MAP2K5: variants seen among roughly 807,000 people sequenced by gnomAD.
MAP2K5 encodes the protein dual specificity mitogen-activated protein kinase kinase 5.
MAP2K5 carries 49 observed loss-of-function variants against 83.1 expected under a neutral mutation model. The ratio of observed to expected loss-of-function variants is 0.59; its 90% CI spans 0.47 to 0.75. The LOEUF is 0.75. Among genes scored for constraint, MAP2K5 ranks in the 30% least tolerant of loss-of-function variants. The pLI is 0.00. For synonymous variants in MAP2K5, 202 were observed against 191.8 expected, an observed-to-expected ratio of 1.05 and a Z score of -0.44; for missense variants, 457 against 557.5, an observed-to-expected ratio of 0.82 and a Z score of 1.82.
chr15:67,655,072 A>AG (rs1402650946), intron 11 of MAP2K5, among the ~76,000 whole-genome samples: 5 of 152,028 alleles, frequency 3.3e-5, no homozygotes, highest in Admixed American at 2.0e-4. Flanking sequence ...CTCAAAAAAA[A>AG]AAAAAAATAG....
chr15:67,756,514 A>AGTGTGTGT lies in MAP2K5; in HGVS notation c.1134+7913_1134+7914insGTGTGTGT, dbSNP rs1566953852. 3.6e-3 allele frequency among the ~76,000 whole-genome samples: 352 copies of AGTGTGTGT among 97,918 alleles called. 6 individuals carry two copies. Among genetic ancestry groups the AGTGTGTGT allele is most frequent in the East Asian group, 0.021 (66 of 3,158 alleles). The allele number at this position is 97,918 out of a possible 152,430, so 64.2% of individuals were successfully genotyped here. A position where few individuals can be genotyped will look rare whatever the true frequency, so the allele number is the denominator to read the frequency against. On this transcript the variant is annotated intron_variant, in intron 19 of 21. Transcript: ENST00000178640. ...AATATATCTAACCCCACACACAGTT[A>AGTGTGTGT]CTGTGTGTGTGTGTGTGTGTGTGTG...
In MAP2K5 at chr15:67,559,782, C is replaced by A. The variant is rs953317188; in HGVS notation, c.185-3501C>A. On this transcript the variant is annotated intron_variant, in intron 2 of 21. Coordinates refer to ENST00000178640, the MANE Select transcript of MAP2K5 (RefSeq NM_145160.3). This position sits in a 1 kb window ranked among gnomAD's most constrained non-coding sequence, Gnocchi z 4.7. ...GAATTCTCATTGTGAACCAATGTAT[C>A]AGATCTGTCTGCTCCCCTACCCCCA... Among the ~76,000 whole-genome samples the A allele has an allele frequency of 1.4e-4, 21 of 152,174 alleles. No individual in the cohort carries two copies. The highest frequency in any genetic ancestry group is 1.2e-3 in the Admixed American group (19 of 15,290).
At position 67,732,259 on chromosome 15, in the gene MAP2K5, A is replaced by G. The variant is rs146009683; in HGVS notation, c.1074+4314A>G. ...ATAATGGTGGGCAATGGTTTGTTTAATGACACCATAATTTAGGAGAAATGA... is the reference window on the plus strand; with the variant it reads ...ATAATGGTGGGCAATGGTTTGTTTAGTGACACCATAATTTAGGAGAAATGA... On this transcript the variant is annotated intron_variant, in intron 17 of 21. Transcript: ENST00000178640. 2.3e-3 allele frequency among the ~76,000 whole-genome samples: 354 copies of G among 152,326 alleles called. 8 individuals carry two copies. The highest frequency in any genetic ancestry group is 0.021 in the Admixed American group (317 of 15,298).
rs973608945 is a variant in MAP2K5 at position 67,782,643 on chromosome 15, A to G, written c.1242+9891A>G. On this transcript the variant is annotated intron_variant, in intron 21 of 21. Coordinates refer to ENST00000178640, the MANE Select transcript of MAP2K5 (RefSeq NM_145160.3). The surrounding 1 kb of genome is among the most constrained non-coding windows in gnomAD (Gnocchi z 4.9). ...TTGACAGGAATTTAAATTTTGTTTCAATCAACCCCTGTGCTCACAGCCTGC... is the reference window on the plus strand; with the variant it reads ...TTGACAGGAATTTAAATTTTGTTTCGATCAACCCCTGTGCTCACAGCCTGC... Among the ~76,000 whole-genome samples, 2 of 152,180 alleles carry G rather than the reference A, an allele frequency of 1.3e-5. No homozygotes were observed. Among genetic ancestry groups the G allele is most frequent in the African/African-American group, 4.8e-5 (2 of 41,450 alleles).
At chr15:67,629,789 C>A (rs1385130953) in intron 8 of MAP2K5, among the ~76,000 whole-genome samples, 1 of 152,090 alleles carries the variant, frequency 6.6e-6, no homozygotes, top group Admixed American at 6.5e-5. Context: ...TTACTTACTT[C>A]CTTATATTAA....
chr15:67,576,366 A>G lies in MAP2K5; in HGVS notation c.253-4388A>G, dbSNP rs1178136853. 1.3e-5 allele frequency among the ~76,000 whole-genome samples: 2 copies of G among 148,196 alleles called. 1 individual carries two copies. The highest frequency in any genetic ancestry group is 1.3e-4 in the Admixed American group (2 of 14,874). On this transcript the variant is annotated intron_variant, in intron 3 of 21. Coordinates refer to ENST00000178640, the MANE Select transcript of MAP2K5 (RefSeq NM_145160.3). Reference sequence around the variant, plus strand: ...TGCCATTAGCATTAGAATTAGATTTATAACAAATATGAACACTGTAGTAAA... The same window carrying G: ...TGCCATTAGCATTAGAATTAGATTTGTAACAAATATGAACACTGTAGTAAA...
intron 21 of MAP2K5, among the ~76,000 whole-genome samples, chr15:67,788,000 C>T (rs1162056465): frequency 6.6e-6 from 1 of 152,116 alleles, no homozygotes; most frequent in Non-Finnish European, 1.5e-5. Flanking sequence ...AATGAGAAAA[C>T]AGTAAACTTT....
rs948405254 is a variant in MAP2K5 at position 67,736,374 on chromosome 15, G to A, written c.1074+8429G>A. ...ATATCACGGCATTTTCTAGACTGCT[G>A]GGGAGGAATTGTCATGATCAAATGG... On this transcript the variant is annotated intron_variant, in intron 17 of 21. Transcript: ENST00000178640. The surrounding 1 kb of genome is among the most constrained non-coding windows in gnomAD (Gnocchi z 4.3). 3.3e-5 allele frequency among the ~76,000 whole-genome samples: 5 copies of A among 152,166 alleles called. No individual in the cohort carries two copies. Among genetic ancestry groups the A allele is most frequent in the African/African-American group, 1.2e-4 (5 of 41,424 alleles).
chr15:67,755,160 G>A lies in MAP2K5; in HGVS notation c.1134+6559G>A, dbSNP rs974171662. Among the ~76,000 whole-genome samples the A allele has an allele frequency of 2.0e-5, 3 of 152,078 alleles. No homozygotes were observed. The highest frequency in any genetic ancestry group is 7.2e-5 in the African/African-American group (3 of 41,406). ...CAGCTAATTTTTTTGTGTGTTTTTA[G>A]TAGAGATGGGGTTTCACCATGTTGG... On this transcript the variant is annotated intron_variant, in intron 19 of 21. Transcript: ENST00000178640. The surrounding 1 kb of genome is among the most constrained non-coding windows in gnomAD (Gnocchi z 4.7).
At chr15:67,579,592 C>T (rs1260100332) in intron 3 of MAP2K5, among the ~76,000 whole-genome samples, 1 of 152,136 alleles carries the variant, frequency 6.6e-6, no homozygotes, top group African/African-American at 2.4e-5. Context: ...AGCTATCCAA[C>T]ATCCACCTTC....
chr15:67,583,744 CTTAT>C (rs111272531), intron 4 of MAP2K5, among the ~76,000 whole-genome samples: 26 of 147,836 alleles, frequency 1.8e-4, no homozygotes, highest in Non-Finnish European at 2.7e-4. Context: ...TGATTGTTTC[CTTAT>C]TTATTTATTT....
Position 67,630,865 on chromosome 15 carries a change from T to G in MAP2K5, c.546-23T>G, listed in dbSNP as rs767879470. 3 of 1,600,746 alleles carry G rather than the reference T, an allele frequency of 1.9e-6. No homozygotes were observed. In the South Asian group the frequency reaches 3.3e-5, roughly 18 times the overall value. ...AGGTTGTTTAGTGATCCCAAATGAT[T>G]TTGTTTTTTTTTCTTCCCATAGAGC... On this transcript the variant is annotated intron_variant, in intron 8 of 21. Transcript: ENST00000178640.
rs775101628 is a variant in MAP2K5 at position 67,665,811 on chromosome 15, T to C, written c.847+1166T>C. ...GGAGAGTGAGTTTTGTTAGTGTTAC[T>C]TTCTCTGAGTATAAATAAGTGTGTA... On this transcript the variant is annotated intron_variant, in intron 13 of 21. Coordinates refer to ENST00000178640, the MANE Select transcript of MAP2K5 (RefSeq NM_145160.3). This position sits in a 1 kb window ranked among gnomAD's most constrained non-coding sequence, Gnocchi z 4.2. Among the ~76,000 whole-genome samples the C allele has an allele frequency of 1.3e-5, 2 of 152,160 alleles. No individual in the cohort carries two copies. Among genetic ancestry groups the C allele is most frequent in the South Asian group, 2.1e-4 (1 of 4,828 alleles).
intron 13 of MAP2K5, among the ~76,000 whole-genome samples, chr15:67,682,222 ATT>A (rs61439988): frequency 4.2e-5 from 6 of 142,522 alleles, no homozygotes; most frequent in African/African-American, 7.8e-5. Context: ...TTCTAGAGCT[ATT>A]TTTTTTTTTT....
At chr15:67,645,190 T>G (rs1039737060) in intron 9 of MAP2K5, among the ~76,000 whole-genome samples, 1 of 149,492 alleles carries the variant, frequency 6.7e-6, no homozygotes, top group Admixed American at 6.6e-5. Flanking sequence ...AAAAAAGTTA[T>G]TTTTTGGCCA....
chr15:67,549,866 C>T lies in MAP2K5; in HGVS notation c.136-168C>T, dbSNP rs972980460. ...TTTCTTCCTGGAATAGAGCTTTAAA[C>T]TCTGGGTTTACGTTGCTGGGCTAAG... is the stretch of plus-strand genomic sequence containing the variant. On this transcript the variant is annotated intron_variant, in intron 1 of 21. Coordinates refer to ENST00000178640, the MANE Select transcript of MAP2K5 (RefSeq NM_145160.3). Among the ~76,000 whole-genome samples the T allele has an allele frequency of 1.3e-4, 20 of 152,234 alleles. No homozygotes were observed. The Middle Eastern group carries it at 0.014, about 104-fold the overall frequency.
In MAP2K5 at chr15:67,565,272, G is replaced by A. The variant is rs570621032; in HGVS notation, c.252+1922G>A. 2.6e-4 allele frequency among the ~76,000 whole-genome samples: 40 copies of A among 151,594 alleles called. 1 individual carries two copies. The highest frequency in any genetic ancestry group is 6.8e-3 in the Middle Eastern group (2 of 294). ...CGAGATGGAGTCTTGCTCTGTCACC[G>A]AGGCTGGAGTGCAGTGGTGCCATCT... On this transcript the variant is annotated intron_variant, in intron 3 of 21. Transcript: ENST00000178640. The surrounding 1 kb of genome is among the most constrained non-coding windows in gnomAD (Gnocchi z 4.1).
chr15:67,768,120 T>C lies in MAP2K5; in HGVS notation c.1135-1482T>C, dbSNP rs531852032. 2.0e-5 allele frequency among the ~76,000 whole-genome samples: 3 copies of C among 152,206 alleles called. No individual in the cohort carries two copies. Among genetic ancestry groups the C allele is most frequent in the Non-Finnish European group, 2.9e-5 (2 of 68,034 alleles). Reference sequence around the variant, plus strand: ...CTGCCTTGACCCCCTTAGTTCCTTTTGATTTAATTGTATTTTCCAGCACTT... The same window carrying C: ...CTGCCTTGACCCCCTTAGTTCCTTTCGATTTAATTGTATTTTCCAGCACTT... On this transcript the variant is annotated intron_variant, in intron 19 of 21. Transcript: ENST00000178640. This position sits in a 1 kb window ranked among gnomAD's most constrained non-coding sequence, Gnocchi z 4.0.
In MAP2K5 at chr15:67,774,238, A is replaced by G. The variant is rs545066559; in HGVS notation, c.1242+1486A>G. On this transcript the variant is annotated intron_variant, in intron 21 of 21. Transcript: ENST00000178640. The surrounding 1 kb of genome is among the most constrained non-coding windows in gnomAD (Gnocchi z 4.9). The stretch of plus-strand genomic sequence containing the variant: ...AGGTATTTAGATATATCTCTTTACA[A>G]CTCTATACCCTGTTGTGTGCTGTCC... Among the ~76,000 whole-genome samples, 1 of 151,720 alleles carries G rather than the reference A, an allele frequency of 6.6e-6. No homozygotes were observed. The highest frequency in any genetic ancestry group is 2.1e-4 in the South Asian group (1 of 4,800).
Sources: allele counts gnomAD v4.1 joint callset (sites outside exome capture counted in the v4.1 genomes callset), GRCh38; gene constraint gnomAD v4.1.1; non-coding constraint Gnocchi (gnomAD v3.1); transcripts MANE v1.5; gene names NCBI Gene and HGNC (gene_info 2026-07-23, HGNC 2026-07-21).